Variants in DTWD2 observed in about 807,000 individuals in gnomAD.
DTWD2 encodes the protein DTW motif tRNA-uridine aminocarboxypropyltransferase 2, also known as tRNA-uridine aminocarboxypropyltransferase 2.
In DTWD2, 39 loss-of-function variants were observed where a neutral mutation model predicts 31.8. The ratio of observed to expected loss-of-function variants is 1.22; its 90% CI spans 0.95 to 1.60. DTWD2 has a LOEUF of 1.60. Among genes scored for constraint, DTWD2 ranks in the 40% most tolerant of loss-of-function variants. The pLI is 0.00. For missense variants in DTWD2, 515 were observed against 381.5 expected (o/e 1.35, Z -2.92); for synonymous variants, 180 against 142.8 (o/e 1.26, Z -1.86).
At chr5:118,878,612 C>A (rs1162519629) in intron 4 of DTWD2, among the ~76,000 whole-genome samples, 4 of 152,114 alleles carry the variant, frequency 2.6e-5, no homozygotes, top group Admixed American at 2.6e-4. Flanking sequence ...TAACAAAAAT[C>A]TTTGTTGACA....
chr5:118,871,234 T>C (rs1053599460), intron 4 of DTWD2, among the ~76,000 whole-genome samples: 12 of 152,204 alleles, frequency 7.9e-5, no homozygotes, highest in Non-Finnish European at 7.3e-5. Context: ...TTTCACTATA[T>C]CTGCAATAAC....
chr5:118,932,799 C>A (rs1233380879), intron 3 of DTWD2, among the ~76,000 whole-genome samples: 1 of 152,110 alleles, frequency 6.6e-6, no homozygotes, highest in Admixed American at 6.5e-5. Flanking sequence ...TCTTGGAGTT[C>A]TAAACTCAAG....
In DTWD2 at chr5:118,947,362, G is replaced by A. The variant is rs187650177; in HGVS notation, c.219-2713C>T. Among the ~76,000 whole-genome samples the A allele has an allele frequency of 1.9e-3, 287 of 152,312 alleles. 1 individual carries two copies. Among genetic ancestry groups the A allele is most frequent in the African/African-American group, 6.6e-3 (274 of 41,566 alleles). ...GGTAAATATGGAGGATTTTATTGCC[G>A]ATGAAAGTGGCTCTAAGCGGGAAGG... On this transcript the variant is annotated intron_variant, in intron 1 of 5. Coordinates refer to ENST00000510708, the MANE Select transcript of DTWD2 (RefSeq NM_173666.4).
chr5:118,987,531 G>T (rs1365161755), intron 1 of DTWD2, among the ~76,000 whole-genome samples: 1 of 152,148 alleles, frequency 6.6e-6, no homozygotes, highest in Non-Finnish European at 1.5e-5. Flanking sequence ...ACACCATTGA[G>T]CTATTTTCTA....
intron 4 of DTWD2, among the ~76,000 whole-genome samples, chr5:118,860,739 T>C (rs111836339): frequency 6.6e-6 from 1 of 152,330 alleles, no homozygotes; most frequent in African/African-American, 2.4e-5. Flanking sequence ...AATTTTAATA[T>C]GCAGTATTCT....
rs998297970 is a variant in DTWD2, at chr5:118,983,456, C to T, written c.218+4838G>A. 3.2e-3 allele frequency among the ~76,000 whole-genome samples: 491 copies of T among 152,262 alleles called. 2 individuals are homozygous for T. The highest frequency in any genetic ancestry group is 0.012 in the African/African-American group (481 of 41,550). On this transcript the variant is annotated intron_variant, in intron 1 of 5. Coordinates refer to ENST00000510708, the MANE Select transcript of DTWD2 (RefSeq NM_173666.4). The stretch of plus-strand genomic sequence containing the variant: ...ATCTGTAGAGTGCCAGTTTGTGGCT[C>T]GTGCATTCTTCTTAAACACCTGCAC...
At chr5:118,983,172 G>C (rs888296084) in intron 1 of DTWD2, among the ~76,000 whole-genome samples, 1 of 152,120 alleles carries the variant, frequency 6.6e-6, no homozygotes, top group Admixed American at 6.5e-5. Context: ...AATGCCTATA[G>C]GGGGCCAGCA....
intron 4 of DTWD2, among the ~76,000 whole-genome samples, chr5:118,909,534 G>A (rs1391487536): frequency 2.0e-5 from 3 of 152,158 alleles, no homozygotes; most frequent in African/African-American, 7.2e-5. Context: ...ACCCAGCCCT[G>A]GGAACCAGGG....
At chr5:118,873,389 G>A (rs1260594630) in intron 4 of DTWD2, among the ~76,000 whole-genome samples, 1 of 152,206 alleles carries the variant, frequency 6.6e-6, no homozygotes, top group Non-Finnish European at 1.5e-5. Flanking sequence ...TGCTTAAAGA[G>A]CAGCCTCCAG....
At chr5:118,917,239 A>T (rs1753598066) in intron 4 of DTWD2, among the ~76,000 whole-genome samples, 1 of 152,204 alleles carries the variant, frequency 6.6e-6, no homozygotes, top group South Asian at 2.1e-4. Flanking sequence ...TTTTACTTGC[A>T]TGTCTTAATA....
At chr5:118,988,063 T>C in intron 1 of DTWD2, 1 of 714,622 alleles carries the variant, frequency 1.4e-6, no homozygotes. Context: ...GCTCATCCCA[T>C]GATACGCTCA....
chr5:118,897,661 C>T (rs532700097), intron 4 of DTWD2, among the ~76,000 whole-genome samples: 1 of 152,236 alleles, frequency 6.6e-6, no homozygotes, highest in South Asian at 2.1e-4. Context: ...AGCCACACAT[C>T]AGTGTTAAAA....
rs987340379 is a variant in DTWD2 at position 118,969,619 on chromosome 5, G to A, written c.218+18675C>T. 6.6e-5 allele frequency among the ~76,000 whole-genome samples: 10 copies of A among 152,180 alleles called. No individual in the cohort carries two copies. The East Asian group carries it at 1.5e-3, about 23-fold the overall frequency. On this transcript the variant is annotated intron_variant, in intron 1 of 5. Coordinates refer to ENST00000510708, the MANE Select transcript of DTWD2 (RefSeq NM_173666.4). ...GTGACCTGTTAAAAGAAAAACAAAC[G>A]AACGGAAAACAATAACAACAACAAT... is the stretch of plus-strand genomic sequence containing the variant.
intron 1 of DTWD2, among the ~76,000 whole-genome samples, chr5:118,985,776 A>G (rs1755413615): frequency 6.6e-6 from 1 of 152,100 alleles, no homozygotes; most frequent in Non-Finnish European, 1.5e-5. Context: ...TTTAACTTGA[A>G]CAAAGTTATT....
intron 1 of DTWD2, among the ~76,000 whole-genome samples, chr5:118,950,213 CAAAAAAA>C (rs764214153): frequency 1.6e-4 from 8 of 49,606 alleles, no homozygotes; most frequent in South Asian, 1.0e-3. Context: ...ACTCCATCTC[CAAAAAAA>C]AAAAAAAAAA....
rs555512923 is a variant in DTWD2, at chr5:118,893,903, G to C, written c.597+34634C>G. Among the ~76,000 whole-genome samples, 4 of 152,198 alleles carry C rather than the reference G, an allele frequency of 2.6e-5. No homozygotes were observed. The South Asian group carries it at 6.2e-4, about 24-fold the overall frequency. On this transcript the variant is annotated intron_variant, in intron 4 of 5. Coordinates refer to ENST00000510708, the MANE Select transcript of DTWD2 (RefSeq NM_173666.4). ...TCTGCCAACAAGCCAAATGACAAGG[G>C]AACAGTTTCTATCTCAGATCCTCCA...
intron 4 of DTWD2, among the ~76,000 whole-genome samples, chr5:118,907,150 T>C (rs1753350663): frequency 6.6e-6 from 1 of 152,184 alleles, no homozygotes; most frequent in Non-Finnish European, 1.5e-5. Context: ...ATGAAGTATA[T>C]TACAACATCA....
At chr5:118,907,406 A>C (rs1176015512) in intron 4 of DTWD2, among the ~76,000 whole-genome samples, 3 of 152,174 alleles carry the variant, frequency 2.0e-5, no homozygotes, top group Admixed American at 6.5e-5. Context: ...GAGGATGACC[A>C]GCCCAAATCT....
intron 4 of DTWD2, among the ~76,000 whole-genome samples, chr5:118,923,861 GT>G (rs1279961854): frequency 1.3e-5 from 2 of 152,162 alleles, no homozygotes; most frequent in Non-Finnish European, 2.9e-5. Flanking sequence ...TCTGATAGAA[GT>G]TTTGTCCCTG....
Sources: allele counts gnomAD v4.1 joint callset (sites outside exome capture counted in the v4.1 genomes callset), GRCh38; gene constraint gnomAD v4.1.1; transcripts MANE v1.5; gene names NCBI Gene and HGNC (gene_info 2026-07-23, HGNC 2026-07-21).